Variants in B3GALT1 observed in about 807,000 individuals in gnomAD.
The protein encoded by B3GALT1 is beta-1,3-galactosyltransferase 1.
Under a neutral mutation model 23.2 loss-of-function variants are expected in B3GALT1, and 10 were observed. The ratio of observed to expected loss-of-function variants is 0.43; its 90% CI spans 0.27 to 0.73. The LOEUF (loss-of-function observed/expected upper bound fraction) is 0.73, where lower values mean the gene tolerates loss of function less well. B3GALT1 is among the 30% of genes least tolerant of loss of function. B3GALT1 has a pLI of 0.21. For synonymous variants in B3GALT1, 156 were observed against 141.5 expected (o/e 1.10, Z -0.73); for missense variants, 299 against 405.4 (o/e 0.74, Z 2.25).
chr2:167,416,858 T>A (rs1574070577), intron 1 of B3GALT1, among the ~76,000 whole-genome samples: 2 of 152,328 alleles, frequency 1.3e-5, no homozygotes, highest in South Asian at 4.1e-4. Context: ...GGTTTCAGAT[T>A]AGCTTGCGGC....
At chr2:167,460,727 A>G (rs1461170372) in intron 1 of B3GALT1, among the ~76,000 whole-genome samples, 10 of 151,754 alleles carry the variant, frequency 6.6e-5, no homozygotes, top group Non-Finnish European at 1.5e-5. Context: ...ACCTCTATAA[A>G]TTGATTCTTC....
intron 1 of B3GALT1, among the ~76,000 whole-genome samples, chr2:167,367,474 C>T (rs981048637): frequency 6.6e-6 from 1 of 152,144 alleles, no homozygotes; most frequent in Non-Finnish European, 1.5e-5. Context: ...TTCGTATTAC[C>T]ATATTACCTT....
intron 1 of B3GALT1, among the ~76,000 whole-genome samples, chr2:167,380,313 G>C (rs949436279): frequency 2.6e-5 from 4 of 152,170 alleles, no homozygotes; most frequent in African/African-American, 9.7e-5. Flanking sequence ...AACAGGGTGG[G>C]TCACCCAGCG....
chr2:167,570,286 G>A (rs533320865), intron 2 of B3GALT1, among the ~76,000 whole-genome samples: 17 of 151,792 alleles, frequency 1.1e-4, no homozygotes, highest in African/African-American at 3.4e-4. Flanking sequence ...TGAACTCATC[G>A]GGGCCTGGTG....
At chr2:167,733,662 G>A (rs1345800671) in intron 3 of B3GALT1, among the ~76,000 whole-genome samples, 1 of 152,156 alleles carries the variant, frequency 6.6e-6, no homozygotes. Context: ...GAGAGGCTCC[G>A]AATGACTTGC....
chr2:167,447,066 G>A (rs752821220), intron 1 of B3GALT1, among the ~76,000 whole-genome samples: 17 of 152,152 alleles, frequency 1.1e-4, no homozygotes, highest in Non-Finnish European at 2.2e-4. Context: ...CTGTTTGTTA[G>A]TTTTCCTTCT....
intron 3 of B3GALT1, among the ~76,000 whole-genome samples, chr2:167,656,782 A>G (rs1685962549): frequency 6.6e-6 from 1 of 152,198 alleles, no homozygotes; most frequent in Non-Finnish European, 1.5e-5. Context: ...CCCTTAATAA[A>G]TACTCGATTT....
intron 1 of B3GALT1, among the ~76,000 whole-genome samples, chr2:167,444,794 T>C (rs1178640084): frequency 6.6e-6 from 1 of 152,186 alleles, no homozygotes; most frequent in East Asian, 1.9e-4. Flanking sequence ...TCTATAATTT[T>C]ATTGATGTTT....
At chr2:167,360,625 A>T (rs1177867174) in intron 1 of B3GALT1, among the ~76,000 whole-genome samples, 1 of 152,170 alleles carries the variant, frequency 6.6e-6, no homozygotes, top group South Asian at 2.1e-4. Flanking sequence ...ATAGTTCTAC[A>T]TATTTTGGGG....
In B3GALT1 at chr2:167,837,770, G is replaced by C. The variant is rs1334373116; in HGVS notation, c.-230+18977G>C. Among the ~76,000 whole-genome samples the C allele has an allele frequency of 3.0e-4, 45 of 148,290 alleles. No individual in the cohort carries two copies. The South Asian group carries it at 5.0e-3, about 16-fold the overall frequency. On this transcript the variant is annotated intron_variant, in intron 4 of 4. Transcript: ENST00000392690. ...CACCTATTCCAAAATTGACCACATA[G>C]TTGGAAGTAAAGCTCTCCTCAGCAA...
intron 2 of B3GALT1, among the ~76,000 whole-genome samples, chr2:167,562,488 A>G (rs902823665): frequency 2.1e-4 from 32 of 152,224 alleles, no homozygotes; most frequent in African/African-American, 6.7e-4. Context: ...AATAAAGGGT[A>G]TTCAATTAGG....
At position 167,389,530 on chromosome 2, in the gene B3GALT1, ATACT is replaced by A. The variant is rs1280556992; in HGVS notation, c.-511+96198_-511+96201del. 2.0e-5 allele frequency among the ~76,000 whole-genome samples: 3 copies of A among 152,294 alleles called. No homozygotes were observed. In the East Asian group the frequency reaches 5.8e-4, roughly 29 times the overall value. Reference sequence around the variant, plus strand: ...TACCGCTGTTAGGGAGATCAACCAAATACTTCAAGGCACAATAGAGGGCAGCCTA... The same window carrying A: ...TACCGCTGTTAGGGAGATCAACCAAATCAAGGCACAATAGAGGGCAGCCTA... On this transcript the variant is annotated intron_variant, in intron 1 of 4. Coordinates refer to ENST00000392690, the MANE Select transcript of B3GALT1 (RefSeq NM_020981.4).
chr2:167,588,818 T>TTTCCTTCCTTCC (rs146662566), intron 2 of B3GALT1, among the ~76,000 whole-genome samples: 120 of 146,392 alleles, frequency 8.2e-4, no homozygotes, highest in Middle Eastern at 3.4e-3. Context: ...AACCATTCTT[T>TTTCCTTCCTTCC]TTCCTTCCTT....
intron 3 of B3GALT1, among the ~76,000 whole-genome samples, chr2:167,760,559 C>G (rs1347239459): frequency 1.3e-5 from 2 of 152,300 alleles, no homozygotes; most frequent in African/African-American, 4.8e-5. Context: ...TGCTAAAAAT[C>G]AGGCCCAACA....
At chr2:167,721,163 C>A (rs1480661780) in intron 3 of B3GALT1, among the ~76,000 whole-genome samples, 1 of 152,106 alleles carries the variant, frequency 6.6e-6, no homozygotes, top group Non-Finnish European at 1.5e-5. Context: ...AAATACACTC[C>A]GTTACAGACA....
intron 2 of B3GALT1, among the ~76,000 whole-genome samples, chr2:167,579,588 A>G (rs1326788285): frequency 6.6e-6 from 1 of 151,992 alleles, no homozygotes; most frequent in Non-Finnish European, 1.5e-5. Context: ...CTGCTAGGTT[A>G]AAGTCCTCAA....
intron 2 of B3GALT1, among the ~76,000 whole-genome samples, chr2:167,540,752 C>A (rs986693833): frequency 6.6e-6 from 1 of 152,138 alleles, no homozygotes; most frequent in African/African-American, 2.4e-5. Context: ...TATTTTATCT[C>A]ACTCCCTATT....
chr2:167,317,525 G>C (rs1696738098), intron 1 of B3GALT1, among the ~76,000 whole-genome samples: 1 of 152,064 alleles, frequency 6.6e-6, no homozygotes, highest in Non-Finnish European at 1.5e-5. Context: ...TCATAAAGAA[G>C]CCTAGTCACT....
intron 1 of B3GALT1, among the ~76,000 whole-genome samples, chr2:167,413,033 C>G (rs1698413725): frequency 2.6e-5 from 4 of 152,048 alleles, no homozygotes; most frequent in Admixed American, 2.0e-4. Context: ...GGGATAACGT[C>G]TAGAAGAGTA....
Sources: allele counts gnomAD v4.1 joint callset (sites outside exome capture counted in the v4.1 genomes callset), GRCh38; gene constraint gnomAD v4.1.1; transcripts MANE v1.5; gene names NCBI Gene and HGNC (gene_info 2026-07-23, HGNC 2026-07-21).